HTT: variants seen among roughly 807,000 people sequenced by gnomAD.
The protein encoded by HTT is huntington disease protein.
In HTT, 104 loss-of-function variants were observed where a neutral mutation model predicts 362.3. The observed-to-expected ratio is 0.29, with a 90% CI of 0.24 to 0.34. The LOEUF (loss-of-function observed/expected upper bound fraction) is 0.34. Ranked by LOEUF, HTT falls within the 10% of genes least tolerant of loss-of-function variation. HTT has a pLI of 1.00. For synonymous variants in HTT, 1,577 were observed against 1,548.7 expected, an observed-to-expected ratio of 1.02 and a Z score of -0.43; for missense variants, 3,301 against 3,928.6, an observed-to-expected ratio of 0.84 and a Z score of 4.27.
At chr4:3,175,402 T>G (rs1175245687) in intron 33 of HTT, among the ~76,000 whole-genome samples, 1 of 152,216 alleles carries the variant, frequency 6.6e-6, no homozygotes, top group Admixed American at 6.5e-5. Context: ...TAAGTTTGAA[T>G]TTAAATTGTG....
At chr4:3,102,703 C>T (rs926286858) in intron 3 of HTT, among the ~76,000 whole-genome samples, 3 of 152,190 alleles carry the variant, frequency 2.0e-5, no homozygotes, top group African/African-American at 4.8e-5. Flanking sequence ...GGCACAGCTT[C>T]CTCCCTCTTG....
Position 3,228,394 on chromosome 4 carries a change from T to G in HTT, c.7849-221T>G, listed in dbSNP as rs1578609078. Among the ~76,000 whole-genome samples, 4 of 152,316 alleles carry G rather than the reference T, an allele frequency of 2.6e-5. 1 individual carries two copies. The East Asian group carries it at 7.7e-4, about 29-fold the overall frequency. On this transcript the variant is annotated intron_variant, in intron 57 of 66. Transcript: ENST00000355072. This position sits in a 1 kb window ranked among gnomAD's most constrained non-coding sequence, Gnocchi z 4.3. Reference sequence around the variant, plus strand: ...CTCCTGGGGTTGACTGGCCCCTGATTCATGCCTTTAGCATGTGCTGGAGCT... The same window carrying G: ...CTCCTGGGGTTGACTGGCCCCTGATGCATGCCTTTAGCATGTGCTGGAGCT...
intron 15 of HTT, 105 bp downstream of exon 15, chr4:3,131,502 G>C (rs1715814765): frequency 1.4e-6 from 2 of 1,465,456 alleles, no homozygotes; most frequent in Non-Finnish European, 1.9e-6. Context: ...AGTAGAATCT[G>C]AGGATGAGTT....
chr4:3,089,026 A>T (rs1372770163), intron 2 of HTT, among the ~76,000 whole-genome samples: 1 of 152,204 alleles, frequency 6.6e-6, no homozygotes, highest in East Asian at 1.9e-4. Flanking sequence ...AAAAGGTTTG[A>T]ATTCTATCTC....
chr4:3,202,243 C>T (rs546428418), intron 41 of HTT, among the ~76,000 whole-genome samples: 2 of 152,254 alleles, frequency 1.3e-5, no homozygotes, highest in East Asian at 1.9e-4. Flanking sequence ...GACATTCATT[C>T]GCCACCAGTA....
intron 3 of HTT, among the ~76,000 whole-genome samples, chr4:3,101,417 C>A (rs144035836): frequency 4.0e-4 from 61 of 152,348 alleles, no homozygotes; most frequent in African/African-American, 1.4e-3. Flanking sequence ...ATTCCTGCTT[C>A]CTCAGATGCT....
At chr4:3,131,838 T>C (rs1170535537) in intron 16 of HTT, 63 bp downstream of exon 16, 2 of 1,501,542 alleles carry the variant, frequency 1.3e-6, no homozygotes, top group Admixed American at 1.8e-5. Flanking sequence ...ACTATTTCAG[T>C]ATTGACTATT....
chr4:3,230,758 C>G (rs1326869347), intron 60 of HTT, among the ~76,000 whole-genome samples: 1 of 152,128 alleles, frequency 6.6e-6, no homozygotes, highest in Admixed American at 6.5e-5. Flanking sequence ...AGTGAACAAG[C>G]TCCCTCAGGC....
At position 3,111,906 on chromosome 4, in the gene HTT, T is replaced by C. The variant is rs111617433; in HGVS notation, c.748-3398T>C. 1.5e-3 allele frequency among the ~76,000 whole-genome samples: 223 copies of C among 152,322 alleles called. 4 individuals carry two copies. The highest frequency in any genetic ancestry group is 5.0e-3 in the African/African-American group (206 of 41,566). ...GCGCCTCCAAAGCCCGAGCTCTTCT[T>C]GGCGTCTGTGGCTTCAATAAGCTTG... On this transcript the variant is annotated intron_variant, in intron 6 of 66. Transcript: ENST00000355072.
intron 18 of HTT, among the ~76,000 whole-genome samples, chr4:3,133,749 A>T (rs1254555611): frequency 1.3e-5 from 2 of 152,202 alleles, no homozygotes; most frequent in Non-Finnish European, 2.9e-5. Flanking sequence ...CAAAAAACCT[A>T]CAATTGTCAA....
chr4:3,156,809 AT>A (rs1411137393), intron 27 of HTT, among the ~76,000 whole-genome samples: 1 of 152,170 alleles, frequency 6.6e-6, no homozygotes, highest in African/African-American at 2.4e-5. Flanking sequence ...TCTCTAACTG[AT>A]TTCTCACAAA....
chr4:3,152,388 G>T (rs549852257), intron 26 of HTT, among the ~76,000 whole-genome samples: 1 of 150,968 alleles, frequency 6.6e-6, no homozygotes, highest in Non-Finnish European at 1.5e-5. Flanking sequence ...GTGAGCTACC[G>T]CTCCCAGCCA....
At position 3,131,745 on chromosome 4, in the gene HTT, A is replaced by G; in HGVS notation, c.2206A>G (p.Lys736Glu). Reference protein sequence around the residue: ...HPESFFSKLYKVPLDTTEYPE... With the variant: ...HPESFFSKLYEVPLDTTEYPE... Reference sequence around the variant, plus strand: ...GGAATCTTTCTTCAGCAAACTCTATAAAGTTCCTCTTGACACCACGGAATA... The same window carrying G: ...GGAATCTTTCTTCAGCAAACTCTATGAAGTTCCTCTTGACACCACGGAATA... Residue 736 changes from lysine to glutamate, a missense_variant, in exon 16 of 67, where the codon AAA becomes GAA. Transcript: ENST00000355072. 1 of 1,614,088 alleles carries G rather than the reference A, an allele frequency of 6.2e-7. No individual in the cohort carries two copies. The highest frequency in any genetic ancestry group is 1.1e-5 in the South Asian group (1 of 91,084).
intron 2 of HTT, among the ~76,000 whole-genome samples, chr4:3,095,959 C>T (rs554630966): frequency 1.4e-4 from 21 of 152,266 alleles, no homozygotes; most frequent in East Asian, 3.9e-4. Flanking sequence ...AAGTAAGACT[C>T]GGTATATGCT....
intron 2 of HTT, among the ~76,000 whole-genome samples, chr4:3,094,443 TG>T (rs1235018025): frequency 2.0e-5 from 3 of 151,822 alleles, no homozygotes; most frequent in Non-Finnish European, 4.4e-5. Context: ...ACCTCCCAGA[TG>T]GGGTGGCGGC....
In HTT at chr4:3,145,148, T is replaced by C. The variant is rs1227096486; in HGVS notation, c.3067-4T>C. 7 of 1,609,682 alleles carry C rather than the reference T, an allele frequency of 4.3e-6. No individual in the cohort carries two copies. Among genetic ancestry groups the C allele is most frequent in the Non-Finnish European group, 5.1e-6 (6 of 1,175,900 alleles). The stretch of plus-strand genomic sequence containing the variant: ...GTGTGATTTTATTGTTTCTTTCTTC[T>C]CAGTTTGGATGCTGTGAAGCTTTGT... On this transcript the variant is annotated splice_region_variant and splice_polypyrimidine_tract_variant and intron_variant, in intron 23 of 66. Coordinates refer to ENST00000355072, the MANE Select transcript of HTT (RefSeq NM_001388492.1).
intron 2 of HTT, among the ~76,000 whole-genome samples, chr4:3,090,486 A>G (rs1332064378): frequency 6.6e-6 from 1 of 152,254 alleles, no homozygotes; most frequent in African/African-American, 2.4e-5. Context: ...TAAGGTGGCT[A>G]GGTAAACATA....
chr4:3,110,233 G>C (rs1714675726), intron 6 of HTT, among the ~76,000 whole-genome samples: 1 of 152,158 alleles, frequency 6.6e-6, no homozygotes. Flanking sequence ...TGTTTTCTTG[G>C]AGTTAATCGT....
At chr4:3,161,806 T>C (rs952694222) in intron 29 of HTT, among the ~76,000 whole-genome samples, 4 of 152,268 alleles carry the variant, frequency 2.6e-5, no homozygotes, top group Admixed American at 2.6e-4. Flanking sequence ...AAGTTCTTTG[T>C]AGATTCTGGA....
Sources: allele counts gnomAD v4.1 joint callset (sites outside exome capture counted in the v4.1 genomes callset), GRCh38; gene constraint gnomAD v4.1.1; non-coding constraint Gnocchi (gnomAD v3.1); transcripts MANE v1.5; gene names NCBI Gene and HGNC (gene_info 2026-07-23, HGNC 2026-07-21).